Variants in PARD3B observed in about 807,000 individuals in gnomAD.
PARD3B encodes partitioning defective 3 homolog B.
Under a neutral mutation model 130.2 loss-of-function variants are expected in PARD3B, and 103 were observed. The ratio of observed to expected loss-of-function variants is 0.79; its 90% CI spans 0.67 to 0.93. The LOEUF is 0.93. PARD3B is among the 40% of genes least tolerant of loss of function. The probability of loss-of-function intolerance (pLI) is 0.00; values close to 1 mark genes in which losing one functional copy is unlikely to be tolerated. For synonymous variants in PARD3B, 583 were observed against 553.2 expected (o/e 1.05, Z -0.76); for missense variants, 1,609 against 1,499.2 (o/e 1.07, Z -1.21).
At chr2:204,685,056 G>A (rs1054289056) in intron 1 of PARD3B, among the ~76,000 whole-genome samples, 1 of 152,062 alleles carries the variant, frequency 6.6e-6, no homozygotes, top group African/African-American at 2.4e-5. Context: ...TTTATTGGGG[G>A]TCAGCTAAAA....
chr2:204,822,977 C>T (rs760991246), intron 2 of PARD3B, among the ~76,000 whole-genome samples: 5 of 152,274 alleles, frequency 3.3e-5, no homozygotes, highest in South Asian at 2.1e-4. Context: ...TAAGGAATGG[C>T]ACTAATCAGG....
intron 4 of PARD3B, among the ~76,000 whole-genome samples, chr2:205,068,195 T>C (rs1700505790): frequency 6.6e-6 from 1 of 152,188 alleles, no homozygotes; most frequent in Non-Finnish European, 1.5e-5. Flanking sequence ...TAGGAGAAGA[T>C]GACTTACTCA....
rs908023384 is a variant in PARD3B at position 205,351,861 on chromosome 2, G to A, written c.2631-49152G>A. 1.3e-5 allele frequency among the ~76,000 whole-genome samples: 2 copies of A among 151,888 alleles called. No individual in the cohort carries two copies. The highest frequency in any genetic ancestry group is 2.9e-5 in the Non-Finnish European group (2 of 68,006). On this transcript the variant is annotated intron_variant, in intron 18 of 22. Transcript: ENST00000406610. The surrounding 1 kb of genome is among the most constrained non-coding windows in gnomAD (Gnocchi z 4.2). ...ACTTTGCTTAAAGAGGTACGTGACA[G>A]CTTCTGAGGGATCTGTTTGTATACA... is the stretch of plus-strand genomic sequence containing the variant.
At chr2:205,332,361 T>C (rs2043169114) in intron 18 of PARD3B, among the ~76,000 whole-genome samples, 1 of 152,010 alleles carries the variant, frequency 6.6e-6, no homozygotes, top group African/African-American at 2.4e-5. Flanking sequence ...GTGTTAGAGA[T>C]GGACAGTTCC....
intron 19 of PARD3B, among the ~76,000 whole-genome samples, chr2:205,426,419 A>G (rs1038185890): frequency 2.0e-5 from 3 of 152,200 alleles, no homozygotes; most frequent in African/African-American, 7.2e-5. Context: ...TTCTATTACA[A>G]AAGCAGAAAT....
intron 18 of PARD3B, among the ~76,000 whole-genome samples, chr2:205,385,232 A>G (rs887276404): frequency 6.6e-6 from 1 of 152,110 alleles, no homozygotes; most frequent in African/African-American, 2.4e-5. Flanking sequence ...CTTTTTTTCA[A>G]GTACTTCTTA....
chr2:205,221,802 T>C (rs2038253330), intron 15 of PARD3B, among the ~76,000 whole-genome samples: 1 of 152,132 alleles, frequency 6.6e-6, no homozygotes, highest in South Asian at 2.1e-4. Context: ...ATGCCAACAG[T>C]AGTCCATGCC....
chr2:205,161,705 C>G (rs2034516793), intron 11 of PARD3B, among the ~76,000 whole-genome samples: 1 of 152,182 alleles, frequency 6.6e-6, no homozygotes, highest in African/African-American at 2.4e-5. Context: ...GAGGAGAGAT[C>G]AGCACTGGGA....
intron 2 of PARD3B, among the ~76,000 whole-genome samples, chr2:204,926,222 G>T (rs1261217369): frequency 6.6e-6 from 1 of 152,070 alleles, no homozygotes; most frequent in African/African-American, 2.4e-5. Context: ...AAATCACAGG[G>T]CTGTTAGGAA....
At chr2:204,656,684 A>C (rs956186734) in intron 1 of PARD3B, among the ~76,000 whole-genome samples, 2 of 152,178 alleles carry the variant, frequency 1.3e-5, no homozygotes, top group African/African-American at 2.4e-5. Context: ...TTTGAAAGGT[A>C]GGCATGTTTC....
At chr2:204,596,105 A>G (rs2033278049) in intron 1 of PARD3B, among the ~76,000 whole-genome samples, 1 of 152,222 alleles carries the variant, frequency 6.6e-6, no homozygotes, top group Non-Finnish European at 1.5e-5. Context: ...AGTTTCATAA[A>G]CAATTACATT....
At chr2:205,055,867 C>CCA (rs1388708536) in intron 4 of PARD3B, among the ~76,000 whole-genome samples, 1 of 152,038 alleles carries the variant, frequency 6.6e-6, no homozygotes, top group Non-Finnish European at 1.5e-5. Flanking sequence ...TTTTTAAATG[C>CCA]CACACACACA....
intron 1 of PARD3B, among the ~76,000 whole-genome samples, chr2:204,630,830 A>G (rs2034653390): frequency 6.6e-6 from 1 of 151,650 alleles, no homozygotes; most frequent in South Asian, 2.1e-4. Context: ...ATCATTTCTG[A>G]TTGTGTTTAT....
chr2:205,422,969 TA>T (rs1559079306), intron 19 of PARD3B, among the ~76,000 whole-genome samples: 1 of 152,166 alleles, frequency 6.6e-6, no homozygotes, highest in Non-Finnish European at 1.5e-5. Flanking sequence ...GCAAGTAGCA[TA>T]TGGTCGTCTA....
rs773433214 is a variant in PARD3B at position 205,301,432 on chromosome 2, C to T, written c.2393-32C>T. The T allele has an allele frequency of 2.5e-5, 39 of 1,583,250 alleles. No homozygotes were observed. In the East Asian group the frequency reaches 3.8e-4, roughly 15 times the overall value. On this transcript the variant is annotated intron_variant, in intron 17 of 22. Coordinates refer to ENST00000406610, the MANE Select transcript of PARD3B (RefSeq NM_001302769.2). The surrounding 1 kb of genome is among the most constrained non-coding windows in gnomAD (Gnocchi z 5.2). ...GTATACTAACTGAGTGTGCCCCTGA[C>T]CATGGGTATTGATTATTTTTTCTCT...
intron 1 of PARD3B, among the ~76,000 whole-genome samples, chr2:204,573,632 G>T (rs1026741103): frequency 2.0e-5 from 3 of 152,206 alleles, no homozygotes; most frequent in African/African-American, 4.8e-5. Context: ...TCTGTAGGGT[G>T]AGTAAGTTCC....
chr2:205,508,473 G>A (rs1213383382), intron 21 of PARD3B, among the ~76,000 whole-genome samples: 1 of 151,868 alleles, frequency 6.6e-6, no homozygotes, highest in Admixed American at 6.6e-5. Flanking sequence ...ATGAGAGGCT[G>A]AGACAGGAGG....
At chr2:204,847,643 T>C (rs1242912292) in intron 2 of PARD3B, among the ~76,000 whole-genome samples, 2 of 152,198 alleles carry the variant, frequency 1.3e-5, no homozygotes, top group East Asian at 1.9e-4. Context: ...TAGGCTACCA[T>C]CCATTCCACC....
chr2:205,286,703 G>A (rs1221391091), intron 16 of PARD3B, among the ~76,000 whole-genome samples: 1 of 152,182 alleles, frequency 6.6e-6, no homozygotes, highest in Non-Finnish European at 1.5e-5. Context: ...TCCTAAATGA[G>A]AGGCCTCTGT....
Sources: allele counts gnomAD v4.1 joint callset (sites outside exome capture counted in the v4.1 genomes callset), GRCh38; gene constraint gnomAD v4.1.1; non-coding constraint Gnocchi (gnomAD v3.1); transcripts MANE v1.5; gene names NCBI Gene and HGNC (gene_info 2026-07-23, HGNC 2026-07-21).